Variants in RSRC1 observed in about 807,000 individuals in gnomAD.
The protein encoded by RSRC1 is arginine and serine rich coiled-coil 1.
In RSRC1, 39 loss-of-function variants were observed where a neutral mutation model predicts 49.1. That is an observed-to-expected ratio of 0.79 (90% CI 0.61 to 1.04). RSRC1 has a LOEUF of 1.04. Among genes scored for constraint, RSRC1 ranks in the 50% least tolerant of loss-of-function variants. RSRC1 has a pLI of 0.00. For synonymous variants in RSRC1, 143 were observed against 130.8 expected, an observed-to-expected ratio of 1.09 and a Z score of -0.63; for missense variants, 388 against 402.4, an observed-to-expected ratio of 0.96 and a Z score of 0.31.
At chr3:158,393,081 G>A (rs1405264508) in intron 6 of RSRC1, among the ~76,000 whole-genome samples, 1 of 151,854 alleles carries the variant, frequency 6.6e-6, no homozygotes, top group Non-Finnish European at 1.5e-5. Context: ...TATAAACAAT[G>A]AAATTAAGGT....
chr3:158,342,767 G>A (rs1056822218), intron 5 of RSRC1, among the ~76,000 whole-genome samples: 9 of 152,062 alleles, frequency 5.9e-5, no homozygotes, highest in Admixed American at 1.3e-4. Flanking sequence ...AACTAAAAAC[G>A]CGGACAAAAT....
chr3:158,361,752 C>T (rs141928047), intron 6 of RSRC1, among the ~76,000 whole-genome samples: 151 of 152,200 alleles, frequency 9.9e-4, no homozygotes, highest in African/African-American at 3.4e-3. Context: ...TCAAGTTTCC[C>T]GTATTCTTTT....
At chr3:158,208,002 G>C (rs971716555) in intron 4 of RSRC1, among the ~76,000 whole-genome samples, 1 of 152,046 alleles carries the variant, frequency 6.6e-6, no homozygotes, top group Non-Finnish European at 1.5e-5. Context: ...TTTATCTACA[G>C]ATTTAGGAAG....
chr3:158,382,887 A>C (rs1732774257), intron 6 of RSRC1, among the ~76,000 whole-genome samples: 1 of 152,138 alleles, frequency 6.6e-6, no homozygotes, highest in Non-Finnish European at 1.5e-5. Context: ...CTAAAGACAG[A>C]TTTATTTTCA....
intron 6 of RSRC1, among the ~76,000 whole-genome samples, chr3:158,370,744 T>C (rs928804618): frequency 5.3e-5 from 8 of 151,878 alleles, no homozygotes; most frequent in Non-Finnish European, 1.0e-4. Flanking sequence ...AATACATGTT[T>C]TCGTTTATTT....
chr3:158,455,944 C>T lies in RSRC1; in HGVS notation c.584-4991C>T, dbSNP rs1405673775. Reference sequence around the variant, plus strand: ...GCAGTGAGCCAAGATCTTGACATTGCACTCCAGCCTGGGGGACAGAGCAAG... The same window carrying T: ...GCAGTGAGCCAAGATCTTGACATTGTACTCCAGCCTGGGGGACAGAGCAAG... On this transcript the variant is annotated intron_variant, in intron 6 of 9. Coordinates refer to ENST00000611884, the MANE Select transcript of RSRC1 (RefSeq NM_001271838.2). Among the ~76,000 whole-genome samples the T allele has an allele frequency of 2.5e-5, 3 of 121,420 alleles. No homozygotes were observed. The East Asian group carries it at 7.7e-4, about 31-fold the overall frequency. The allele number at this position is 121,420 out of a possible 152,430, so 79.7% of individuals were successfully genotyped here.
intron 6 of RSRC1, among the ~76,000 whole-genome samples, chr3:158,412,983 A>G (rs1734539153): frequency 6.6e-6 from 1 of 152,178 alleles, no homozygotes. Context: ...AGAATTAGAA[A>G]AAACTACTTT....
At chr3:158,374,742 C>T (rs2108271363) in intron 6 of RSRC1, among the ~76,000 whole-genome samples, 1 of 130,296 alleles carries the variant, frequency 7.7e-6, no homozygotes, top group Non-Finnish European at 1.6e-5. Context: ...TATATATGCT[C>T]ATAAAAGGTC....
chr3:158,154,118 C>A (rs1717708863), intron 3 of RSRC1, among the ~76,000 whole-genome samples: 1 of 152,042 alleles, frequency 6.6e-6, no homozygotes, highest in Non-Finnish European at 1.5e-5. Context: ...TTTTTTGTTT[C>A]CCAGTGCATA....
chr3:158,196,898 T>C (rs1720657682), intron 3 of RSRC1, among the ~76,000 whole-genome samples: 1 of 152,168 alleles, frequency 6.6e-6, no homozygotes, highest in Non-Finnish European at 1.5e-5. Context: ...CTGGATTCGG[T>C]TTGCCAGTAT....
At chr3:158,243,227 A>G (rs1026978401) in intron 4 of RSRC1, among the ~76,000 whole-genome samples, 1 of 152,082 alleles carries the variant, frequency 6.6e-6, no homozygotes, top group African/African-American at 2.4e-5. Context: ...ATTTTTGTAT[A>G]TGGTGTAAAG....
intron 7 of RSRC1, among the ~76,000 whole-genome samples, chr3:158,476,989 C>T (rs530981327): frequency 1.3e-5 from 2 of 152,218 alleles, no homozygotes; most frequent in East Asian, 1.9e-4. Context: ...TGGATAACTT[C>T]GAGGGGCTCA....
intron 3 of RSRC1, among the ~76,000 whole-genome samples, chr3:158,174,944 A>G (rs528930755): frequency 1.3e-5 from 2 of 152,214 alleles, no homozygotes; most frequent in East Asian, 3.9e-4. Context: ...CCATTGGTAT[A>G]TGAGAGTTCT....
At chr3:158,341,764 C>T (rs995615206) in intron 5 of RSRC1, among the ~76,000 whole-genome samples, 4 of 152,070 alleles carry the variant, frequency 2.6e-5, no homozygotes, top group Non-Finnish European at 4.4e-5. Context: ...CAGCTTGAAC[C>T]GTGTGCCTGG....
At chr3:158,223,713 C>A (rs947139633) in intron 4 of RSRC1, among the ~76,000 whole-genome samples, 6 of 151,130 alleles carry the variant, frequency 4.0e-5, no homozygotes, top group African/African-American at 1.5e-4. Flanking sequence ...TTAGTGACTT[C>A]TTTTTGAAGT....
intron 6 of RSRC1, among the ~76,000 whole-genome samples, chr3:158,435,514 T>G (rs1016459408): frequency 6.6e-6 from 1 of 151,644 alleles, no homozygotes; most frequent in Non-Finnish European, 1.5e-5. Flanking sequence ...TTTATTTGAT[T>G]TGACATATGA....
intron 5 of RSRC1, among the ~76,000 whole-genome samples, chr3:158,325,026 T>A (rs907332673): frequency 6.6e-6 from 1 of 152,234 alleles, no homozygotes; most frequent in Non-Finnish European, 1.5e-5. Context: ...TGCATAAATG[T>A]CTTCTTTTGA....
At chr3:158,375,175 T>G (rs1452653589) in intron 6 of RSRC1, among the ~76,000 whole-genome samples, 1 of 75,588 alleles carries the variant, frequency 1.3e-5, no homozygotes, top group African/African-American at 5.6e-5. Flanking sequence ...ATTATTATTA[T>G]TATTATTATT....
At chr3:158,485,688 G>T (rs1434616908) in intron 7 of RSRC1, among the ~76,000 whole-genome samples, 1 of 152,012 alleles carries the variant, frequency 6.6e-6, no homozygotes, top group Admixed American at 6.6e-5. Context: ...CTATCTCAAA[G>T]TTACATTTAG....
Sources: gnomAD v4.1 joint callset for allele counts (sites outside exome capture counted in the v4.1 genomes callset) on GRCh38, gnomAD v4.1.1 for gene constraint, MANE v1.5 for transcripts, NCBI Gene and HGNC (gene_info 2026-07-23, HGNC 2026-07-21) for gene names.